Variants in GRID1 observed in about 807,000 individuals in gnomAD.
The protein encoded by GRID1 is glutamate receptor ionotropic, delta-1.
Under a neutral mutation model 98.0 loss-of-function variants are expected in GRID1, and 28 were observed. That is an observed-to-expected ratio of 0.29 (90% CI 0.21 to 0.39). The LOEUF (loss-of-function observed/expected upper bound fraction) is 0.39. Among genes scored for constraint, GRID1 ranks in the 10% least tolerant of loss-of-function variants. GRID1 has a pLI of 1.00. For synonymous variants in GRID1, 553 were observed against 538.5 expected (o/e 1.03, Z -0.37); for missense variants, 1,111 against 1,340.5 (o/e 0.83, Z 2.67).
At chr10:85,742,232 A>G (rs1222583832) in intron 8 of GRID1, among the ~76,000 whole-genome samples, 4 of 152,178 alleles carry the variant, frequency 2.6e-5, no homozygotes, top group African/African-American at 9.7e-5. Flanking sequence ...TAGTTGATGG[A>G]TAGTTCTTTA....
chr10:85,785,946 A>G (rs1215885627), intron 8 of GRID1, among the ~76,000 whole-genome samples: 1 of 151,582 alleles, frequency 6.6e-6, no homozygotes, highest in Non-Finnish European at 1.5e-5. Context: ...CACACACCAC[A>G]TACACACACG....
chr10:86,156,433 G>A (rs958078489), intron 3 of GRID1, among the ~76,000 whole-genome samples: 2 of 152,148 alleles, frequency 1.3e-5, no homozygotes, highest in African/African-American at 2.4e-5. Flanking sequence ...GAGGGATGGC[G>A]CTCTAGACAA....
At chr10:86,136,550 T>C (rs1488597721) in intron 4 of GRID1, among the ~76,000 whole-genome samples, 2 of 152,252 alleles carry the variant, frequency 1.3e-5, no homozygotes, top group Non-Finnish European at 2.9e-5. Flanking sequence ...TCTTTAGCTT[T>C]TCCATTTCCT....
intron 5 of GRID1, among the ~76,000 whole-genome samples, chr10:85,903,788 C>T (rs1589293455): frequency 2.6e-5 from 4 of 152,214 alleles, no homozygotes; most frequent in Admixed American, 2.6e-4. Flanking sequence ...CACAGACTCC[C>T]ACTCAGAGAC....
intron 4 of GRID1, among the ~76,000 whole-genome samples, chr10:86,056,119 C>T (rs891159110): frequency 1.3e-5 from 2 of 152,284 alleles, no homozygotes; most frequent in East Asian, 3.9e-4. Flanking sequence ...AGCAGGTGGA[C>T]TCCACTCCAC....
chr10:86,353,732 T>C (rs1255204849), intron 2 of GRID1, among the ~76,000 whole-genome samples: 1 of 152,184 alleles, frequency 6.6e-6, no homozygotes, highest in Admixed American at 6.5e-5. Flanking sequence ...ACTGCAGGAC[T>C]TGGGGACGGC....
At chr10:85,840,526 A>T (rs1842952142) in intron 8 of GRID1, among the ~76,000 whole-genome samples, 1 of 152,132 alleles carries the variant, frequency 6.6e-6, no homozygotes, top group Admixed American at 6.5e-5. Context: ...GCATCCAAAT[A>T]GGAGGAGGAG....
At chr10:86,179,726 T>C (rs1220968523) in intron 3 of GRID1, among the ~76,000 whole-genome samples, 1 of 152,140 alleles carries the variant, frequency 6.6e-6, no homozygotes, top group Non-Finnish European at 1.5e-5. Context: ...CCCAAACCAG[T>C]GCATCATGTC....
intron 2 of GRID1, among the ~76,000 whole-genome samples, chr10:86,312,869 G>A (rs774496106): frequency 3.3e-4 from 51 of 152,338 alleles, no homozygotes; most frequent in Middle Eastern, 3.4e-3. Context: ...ACTGAGGGAG[G>A]AGCAACAGGA....
intron 5 of GRID1, among the ~76,000 whole-genome samples, chr10:85,876,982 C>T (rs35335675): frequency 1.0e-3 from 153 of 152,318 alleles, no homozygotes; most frequent in Non-Finnish European, 1.8e-3. Flanking sequence ...GAGGGTCCTA[C>T]GCCCACGGAG....
At chr10:86,027,487 C>T (rs1317671934) in intron 4 of GRID1, among the ~76,000 whole-genome samples, 3 of 152,232 alleles carry the variant, frequency 2.0e-5, no homozygotes, top group African/African-American at 7.2e-5. Context: ...TTCTATTTAT[C>T]CATTGAGCAG....
At chr10:86,283,917 C>T (rs1847392105) in intron 2 of GRID1, among the ~76,000 whole-genome samples, 1 of 150,778 alleles carries the variant, frequency 6.6e-6, no homozygotes, top group Non-Finnish European at 1.5e-5. Flanking sequence ...CACACCTGCC[C>T]TCACACATCT....
intron 4 of GRID1, among the ~76,000 whole-genome samples, chr10:85,927,450 G>A (rs1841790097): frequency 6.6e-6 from 1 of 151,748 alleles, no homozygotes; most frequent in South Asian, 2.1e-4. Flanking sequence ...CCCATAAGCT[G>A]CGAGTTTCCA....
At chr10:86,233,085 C>A (rs190926215) in intron 2 of GRID1, among the ~76,000 whole-genome samples, 130 of 152,024 alleles carry the variant, frequency 8.6e-4, no homozygotes, top group Middle Eastern at 3.4e-3. Flanking sequence ...TGCAGGAGAA[C>A]GGGATGTCTA....
intron 12 of GRID1, among the ~76,000 whole-genome samples, chr10:85,721,148 G>A (rs1841698313): frequency 6.6e-6 from 1 of 152,182 alleles, no homozygotes; most frequent in Non-Finnish European, 1.5e-5. Context: ...AATGAAGTAT[G>A]ACTCCACACC....
intron 2 of GRID1, among the ~76,000 whole-genome samples, chr10:86,285,637 A>C (rs10887574): frequency 0.51 from 78,098 of 152,118 alleles, 23,884 homozygotes; most frequent in Non-Finnish European, 0.67. Flanking sequence ...GATGCCAGAC[A>C]CTGCTCTGAG....
At position 85,923,787 on chromosome 10, in the gene GRID1, T is replaced by C. The variant is rs529114872; in HGVS notation, c.727-7548A>G. On this transcript the variant is annotated intron_variant, in intron 4 of 15. Transcript: ENST00000327946. ...ACTCAATCTCTGCATGTTTCATAGG[T>C]GTTTGGTGCAAAAACAACAGCTAAG... Among the ~76,000 whole-genome samples the C allele has an allele frequency of 7.4e-4, 113 of 152,218 alleles. 2 individuals carry two copies. Among genetic ancestry groups the C allele is most frequent in the Non-Finnish European group, 8.4e-4 (57 of 68,002 alleles).
At chr10:85,855,232 A>G (rs1843098155) in intron 7 of GRID1, among the ~76,000 whole-genome samples, 1 of 152,262 alleles carries the variant, frequency 6.6e-6, no homozygotes, top group African/African-American at 2.4e-5. Flanking sequence ...AGCATCCAGC[A>G]TAGACTGGCT....
chr10:85,992,271 AC>A (rs2131868859), intron 4 of GRID1, among the ~76,000 whole-genome samples: 1 of 152,166 alleles, frequency 6.6e-6, no homozygotes, highest in East Asian at 1.9e-4. Context: ...GAAGACCAGC[AC>A]CCTGGCTTTG....
Sources: allele counts gnomAD v4.1 joint callset (sites outside exome capture counted in the v4.1 genomes callset), GRCh38; gene constraint gnomAD v4.1.1; transcripts MANE v1.5; gene names NCBI Gene and HGNC (gene_info 2026-07-23, HGNC 2026-07-21).